Variants in TFAP2A observed in about 807,000 individuals in gnomAD.
TFAP2A encodes the protein transcription factor AP-2 alpha.
In TFAP2A, 7 loss-of-function variants were observed where a neutral mutation model predicts 41.5. That is an observed-to-expected ratio of 0.17 (90% confidence interval 0.10 to 0.32). The LOEUF (loss-of-function observed/expected upper bound fraction) is 0.32, where lower values mean the gene tolerates loss of function less well. Among genes scored for constraint, TFAP2A ranks in the 10% least tolerant of loss-of-function variants. The pLI, the probability that TFAP2A is intolerant of heterozygous loss-of-function variation, is 1.00. For missense variants in TFAP2A, 416 were observed against 563.3 expected, an observed-to-expected ratio of 0.74 and a Z score of 2.65; for synonymous variants, 247 against 242.8, an observed-to-expected ratio of 1.02 and a Z score of -0.16.
At chr6:10,419,368 C>T, upstream of TFAP2A, 1 of 1,598,416 alleles carries the variant, frequency 6.3e-7, no homozygotes. Context: ...GCCCCCTCCC[C>T]TACTCCACCC....
intron 1 of TFAP2A, chr6:10,411,837 C>T: frequency 7.1e-7 from 1 of 1,411,918 alleles, no homozygotes; most frequent in Non-Finnish European, 9.3e-7. Flanking sequence ...CTCTATCCTG[C>T]CGCGACTGGT....
Position 10,398,364 on chromosome 6 carries a change from T to TGGGC in TFAP2A, c.*49_*52dup. The TGGGC allele has an allele frequency of 8.9e-7, 1 of 1,128,920 alleles. No individual in the cohort carries two copies. The highest frequency in any genetic ancestry group is 1.7e-5 in the South Asian group (1 of 59,598). The allele number at this position is 1,128,920 out of a possible 1,614,324, so 69.9% of individuals were successfully genotyped here. ...CCCGGAGCTGTCACCCGCCGGAGGG[T>TGGGC]GGGCGCGCGGGGGGCTGGTGAGGCG... is the stretch of plus-strand genomic sequence containing the variant. On this transcript the variant is annotated 3_prime_UTR_variant, in exon 7 of 7. Coordinates refer to ENST00000379613, the MANE Select transcript of TFAP2A (RefSeq NM_001372066.1). This position sits in a 1 kb window ranked among gnomAD's most constrained non-coding sequence, Gnocchi z 5.3.
chr6:10,410,372 A>G (rs1490367395), intron 1 of TFAP2A, 37 bp from the exon 2 acceptor site: 77 of 1,569,454 alleles, frequency 4.9e-5, no homozygotes, highest in Non-Finnish European at 6.4e-5. Flanking sequence ...AGAACAAGGA[A>G]TCAGGCGTCG....
At chr6:10,399,896 G>GTCTCTCTCTC (rs140854143) in intron 6 of TFAP2A, among the ~76,000 whole-genome samples, 439 of 148,598 alleles carry the variant, frequency 3.0e-3, no homozygotes, top group African/African-American at 0.01. Context: ...TGGGGTGTGG[G>GTCTCTCTCTC]TCTCTCTCTC....
rs1431969254 is a variant in TFAP2A at position 10,404,992 on chromosome 6, C to T, written c.539-253G>A. 9 of 577,772 alleles carry T rather than the reference C, an allele frequency of 1.6e-5. No individual in the cohort carries two copies. In the East Asian group the frequency reaches 2.0e-4, roughly 13 times the overall value. 35.8% of individuals were successfully genotyped at this position (577,772 alleles called of 1,614,324 possible). A position where few individuals can be genotyped will look rare whatever the true frequency, so the allele number is the denominator to read the frequency against. ...AGCCTGGCCTGCGTTTCTGCCTTGACCCTTTCCCCTTCGCCGTCAAGGGTG... is the reference window on the plus strand; with the variant it reads ...AGCCTGGCCTGCGTTTCTGCCTTGATCCTTTCCCCTTCGCCGTCAAGGGTG... On this transcript the variant is annotated intron_variant, in intron 3 of 6. Coordinates refer to ENST00000379613, the MANE Select transcript of TFAP2A (RefSeq NM_001372066.1).
chr6:10,402,136 G>A, intron 5 of TFAP2A: 1 of 373,144 alleles, frequency 2.7e-6, no homozygotes, highest in Admixed American at 3.6e-5. Context: ...GGAAGTAATG[G>A]TCACGCATTT....
At chr6:10,415,359 G>C (rs1408185175), upstream of TFAP2A, 3 of 1,050,130 alleles carry the variant, frequency 2.9e-6, no homozygotes, top group East Asian at 1.4e-4. Context: ...ACCACAATCT[G>C]CCGCCGGCCG....
At chr6:10,412,157 G>A (rs1757999257) in intron 1 of TFAP2A, 1 of 989,536 alleles carries the variant, frequency 1.0e-6, no homozygotes, top group Non-Finnish European at 1.2e-6. Context: ...GAGTCTCAGT[G>A]TAGCAAATCG....
intron 5 of TFAP2A, 113 bp downstream of exon 5, chr6:10,402,379 T>G (rs766092399): frequency 2.1e-5 from 18 of 842,986 alleles, no homozygotes; most frequent in Non-Finnish European, 3.8e-5. Context: ...CTATATTCTC[T>G]GCAAAGATGA....
intron 2 of TFAP2A, chr6:10,407,353 T>C (rs1757764392): frequency 6.5e-6 from 1 of 154,818 alleles, no homozygotes; most frequent in Non-Finnish European, 1.4e-5. Context: ...TATGGAAAAC[T>C]CCACATAAAT....
At chr6:10,402,734 C>T (rs1051623327) in intron 4 of TFAP2A, 124 bp from the exon 5 acceptor site, 13 of 773,264 alleles carry the variant, frequency 1.7e-5, no homozygotes, top group African/African-American at 1.4e-4. Context: ...GGCCCCAAGA[C>T]ATTTAAAGGA....
In TFAP2A at chr6:10,404,220, A is replaced by AGGAGGGCGGAGC. The variant is rs528329553; in HGVS notation, c.770+276_770+287dup. 1.4e-3 allele frequency among the ~76,000 whole-genome samples: 218 copies of AGGAGGGCGGAGC among 152,278 alleles called. 1 individual carries two copies. The highest frequency in any genetic ancestry group is 5.0e-3 in the African/African-American group (207 of 41,562). ...CGGAGCGAGCTGCGCTTGCGCGAGG[A>AGGAGGGCGGAGC]GGAGGGCGGAGCGGAGGACTCCGCG... On this transcript the variant is annotated intron_variant, in intron 4 of 6. Coordinates refer to ENST00000379613, the MANE Select transcript of TFAP2A (RefSeq NM_001372066.1).
upstream of TFAP2A, among the ~76,000 whole-genome samples, chr6:10,417,545 G>A (rs531518102): frequency 6.6e-6 from 1 of 152,360 alleles, no homozygotes; most frequent in East Asian, 1.9e-4. Flanking sequence ...GGACAGCAGC[G>A]CCAGGCCTGG....
At chr6:10,412,894 T>A (rs2113219173) in intron 1 of TFAP2A, 1 of 154,280 alleles carries the variant, frequency 6.5e-6, no homozygotes, top group African/African-American at 2.4e-5. Context: ...ACCGTCGCTC[T>A]GCCCTCGGCT....
At chr6:10,405,455 C>T (rs1283274886) in intron 3 of TFAP2A, 1 of 152,154 alleles carries the variant, frequency 6.6e-6, no homozygotes, top group African/African-American at 2.4e-5. Context: ...CAGTGGAATA[C>T]TAGCAATGTG....
intron 1 of TFAP2A, chr6:10,411,831 A>T (rs950056849): frequency 1.8e-5 from 26 of 1,419,826 alleles, no homozygotes; most frequent in Admixed American, 3.0e-5. Context: ...CACGGTCTCT[A>T]TCCTGCCGCG....
Position 10,397,967 on chromosome 6 carries a change from A to G in TFAP2A, c.*450T>C. On this transcript the variant is annotated 3_prime_UTR_variant, in exon 7 of 7. Coordinates refer to ENST00000379613, the MANE Select transcript of TFAP2A (RefSeq NM_001372066.1). ...AATCTGAACTGAAGTATGTAAGGGA[A>G]GGTGGTGACTCAGTCCCATGAAGCG... is the stretch of plus-strand genomic sequence containing the variant. 9.8e-7 allele frequency: 1 copy of G among 1,017,658 alleles called. No homozygotes were observed. The highest frequency in any genetic ancestry group is 4.0e-5 in the South Asian group (1 of 24,956). 63.0% of individuals were successfully genotyped at this position (1,017,658 alleles called of 1,614,324 possible). A position where few individuals can be genotyped will look rare whatever the true frequency, so the allele number is the denominator to read the frequency against.
chr6:10,402,457 G>A, intron 5 of TFAP2A, 35 bp downstream of exon 5: 1 of 1,464,660 alleles, frequency 6.8e-7, no homozygotes, highest in Non-Finnish European at 9.6e-7. Flanking sequence ...TTCCAAGAAG[G>A]AAGTTCCTTC....
chr6:10,401,275 C>T (rs1421407311), intron 5 of TFAP2A, among the ~76,000 whole-genome samples: 2 of 152,242 alleles, frequency 1.3e-5, no homozygotes, highest in Non-Finnish European at 2.9e-5. Flanking sequence ...TGCTACAGAA[C>T]TCAACCCCCA....
Sources: allele counts gnomAD v4.1 joint callset (sites outside exome capture counted in the v4.1 genomes callset), GRCh38; gene constraint gnomAD v4.1.1; non-coding constraint Gnocchi (gnomAD v3.1); transcripts MANE v1.5; gene names NCBI Gene and HGNC (gene_info 2026-07-23, HGNC 2026-07-21).